STAG1: variants seen among roughly 807,000 people sequenced by gnomAD.
STAG1 encodes STAG1 cohesin complex component, also known as cohesin subunit SA-1.
In STAG1, 26 loss-of-function variants were observed where a neutral mutation model predicts 170.9. The ratio of observed to expected loss-of-function variants is 0.15; its 90% CI spans 0.11 to 0.21. The LOEUF is 0.21. STAG1 is among the 10% of genes least tolerant of loss of function. STAG1 has a pLI of 1.00. For synonymous variants in STAG1, 514 were observed against 497.7 expected, an observed-to-expected ratio of 1.03 and a Z score of -0.44; for missense variants, 964 against 1,509.5, an observed-to-expected ratio of 0.64 and a Z score of 5.99.
At chr3:136,448,761 A>C (rs1365234502) in intron 14 of STAG1, among the ~76,000 whole-genome samples, 3 of 152,170 alleles carry the variant, frequency 2.0e-5, no homozygotes, top group Non-Finnish European at 4.4e-5. Context: ...CAACATGGCG[A>C]AACTCCATCT....
chr3:136,681,789 T>C (rs1942345064), intron 1 of STAG1, among the ~76,000 whole-genome samples: 1 of 151,830 alleles, frequency 6.6e-6, no homozygotes, highest in South Asian at 2.1e-4. Context: ...CACATGATCA[T>C]CTCAATGCAG....
chr3:136,341,665 C>A (rs1182956158), intron 30 of STAG1, 114 bp from the exon 31 acceptor site: 1 of 662,868 alleles, frequency 1.5e-6, no homozygotes, highest in Non-Finnish European at 2.6e-6. Context: ...GAGGAATTAG[C>A]TGGATTTATT....
chr3:136,735,147 C>T (rs1934263150), intron 1 of STAG1, among the ~76,000 whole-genome samples: 2 of 151,974 alleles, frequency 1.3e-5, no homozygotes, highest in South Asian at 2.1e-4. Context: ...GATGGACTTC[C>T]GCTCTTGTTG....
At chr3:136,739,934 C>T (rs1168781330) in intron 1 of STAG1, among the ~76,000 whole-genome samples, 2 of 152,026 alleles carry the variant, frequency 1.3e-5, no homozygotes, top group South Asian at 4.1e-4. Flanking sequence ...CTTATGACGC[C>T]AACAATAAAT....
chr3:136,336,699 G>T lies in STAG1; in HGVS notation c.*1555C>A, dbSNP rs1935692328. On this transcript the variant is annotated 3_prime_UTR_variant, in exon 34 of 34. Coordinates refer to ENST00000383202, the MANE Select transcript of STAG1 (RefSeq NM_005862.3). The stretch of plus-strand genomic sequence containing the variant: ...GCAGAGAAGATATTTTTGGTGACCA[G>T]GTTTTTTTCAGAACTGTACAAATGT... The T allele has an allele frequency of 6.6e-6, 1 of 152,200 alleles. No individual in the cohort carries two copies. The allele number at this position is 152,200 out of a possible 1,614,324, so 9.4% of individuals were successfully genotyped here. A position where few individuals can be genotyped will look rare whatever the true frequency, so the allele number is the denominator to read the frequency against.
At chr3:136,449,570 AAAG>A (rs895098626) in intron 14 of STAG1, among the ~76,000 whole-genome samples, 7 of 152,188 alleles carry the variant, frequency 4.6e-5, no homozygotes, top group African/African-American at 1.2e-4. Context: ...AAAAAAAAAA[AAAG>A]AAGGAAAAAA....
At chr3:136,524,618 A>T (rs1576563861) in intron 6 of STAG1, among the ~76,000 whole-genome samples, 1 of 152,190 alleles carries the variant, frequency 6.6e-6, no homozygotes, top group East Asian at 1.9e-4. Flanking sequence ...CCTGGCCAGA[A>T]CTTCCAACAC....
chr3:136,627,613 A>G (rs573646478), intron 2 of STAG1, among the ~76,000 whole-genome samples: 2 of 152,304 alleles, frequency 1.3e-5, no homozygotes, highest in South Asian at 2.1e-4. Flanking sequence ...TTGTACATAA[A>G]TAAATCTTAC....
chr3:136,643,539 G>A (rs2107848575), intron 1 of STAG1, among the ~76,000 whole-genome samples: 2 of 152,218 alleles, frequency 1.3e-5, no homozygotes, highest in Middle Eastern at 3.4e-3. Context: ...GAAAGAGTCT[G>A]GCTCTGTTGT....
At chr3:136,390,612 T>G (rs1048650426) in intron 22 of STAG1, among the ~76,000 whole-genome samples, 1 of 152,330 alleles carries the variant, frequency 6.6e-6, no homozygotes, top group South Asian at 2.1e-4. Context: ...GGGGCAAAGA[T>G]TCTCTAAGAA....
intron 13 of STAG1, among the ~76,000 whole-genome samples, chr3:136,457,717 CTG>C (rs2089157447): frequency 1.3e-5 from 2 of 152,052 alleles, no homozygotes; most frequent in South Asian, 4.1e-4. Flanking sequence ...AGTAAGAAAA[CTG>C]AAAAAAATTC....
intron 1 of STAG1, among the ~76,000 whole-genome samples, chr3:136,679,759 G>C (rs901427430): frequency 6.7e-6 from 1 of 149,822 alleles, no homozygotes; most frequent in Non-Finnish European, 1.5e-5. Flanking sequence ...AAAATCAGCC[G>C]GGCATGGTGG....
intron 22 of STAG1, among the ~76,000 whole-genome samples, chr3:136,393,318 C>T (rs1230030392): frequency 1.3e-5 from 2 of 152,106 alleles, no homozygotes; most frequent in Non-Finnish European, 2.9e-5. Context: ...TTAGTCCTGG[C>T]ATTACAAACT....
chr3:136,630,199 GAAAATA>G (rs986974669), intron 2 of STAG1, among the ~76,000 whole-genome samples: 2 of 151,958 alleles, frequency 1.3e-5, no homozygotes, highest in Admixed American at 6.6e-5. Context: ...CATCTCAAAA[GAAAATA>G]AAAATAAAAA....
intron 1 of STAG1, among the ~76,000 whole-genome samples, chr3:136,706,310 C>T (rs531534889): frequency 4.9e-4 from 75 of 152,238 alleles, no homozygotes; most frequent in African/African-American, 1.7e-3. Flanking sequence ...TCTAGTCGCA[C>T]ATGACACAAT....
chr3:136,563,047 G>A (rs1351831354), intron 5 of STAG1, among the ~76,000 whole-genome samples: 1 of 152,180 alleles, frequency 6.6e-6, no homozygotes, highest in Non-Finnish European at 1.5e-5. Context: ...GTTCTTCTAA[G>A]GGCATATCAG....
intron 1 of STAG1, among the ~76,000 whole-genome samples, chr3:136,700,876 C>CTTTTTTTTTTTTTTT (rs35459362): frequency 1.3e-4 from 10 of 78,336 alleles, no homozygotes; most frequent in Non-Finnish European, 1.8e-4. Flanking sequence ...TATTTTTTTT[C>CTTTTTTTTTTTTTTT]TTTTTTTTTT....
chr3:136,578,104 G>GT (rs1344232451), intron 4 of STAG1, among the ~76,000 whole-genome samples: 1 of 152,222 alleles, frequency 6.6e-6, no homozygotes, highest in Non-Finnish European at 1.5e-5. Context: ...AGTGAAGGGA[G>GT]TAACTATATC....
chr3:136,575,300 T>C (rs781080648), intron 4 of STAG1, among the ~76,000 whole-genome samples: 12 of 152,288 alleles, frequency 7.9e-5, no homozygotes, highest in South Asian at 2.1e-4. Context: ...CCACGGCTCA[T>C]TGTAGCCTAA....
Sources: gnomAD v4.1 joint callset for allele counts (sites outside exome capture counted in the v4.1 genomes callset) on GRCh38, gnomAD v4.1.1 for gene constraint, MANE v1.5 for transcripts, NCBI Gene and HGNC (gene_info 2026-07-23, HGNC 2026-07-21) for gene names.